Variants in PCDH15 observed in about 807,000 individuals in gnomAD.
PCDH15 encodes the protein protocadherin related 15.
Under a neutral mutation model 178.5 loss-of-function variants are expected in PCDH15, and 129 were observed. That is an observed-to-expected ratio of 0.72 (90% CI 0.63 to 0.84). The LOEUF (loss-of-function observed/expected upper bound fraction) is 0.84, where lower values mean the gene tolerates loss of function less well. PCDH15 is among the 40% of genes least tolerant of loss of function. PCDH15 has a pLI of 0.00. For synonymous variants in PCDH15, 800 were observed against 732.0 expected, an observed-to-expected ratio of 1.09 and a Z score of -1.50; for missense variants, 2,230 against 2,099.9, an observed-to-expected ratio of 1.06 and a Z score of -1.21.
chr10:54,114,733 GA>G, intron 15 of PCDH15, among the ~76,000 whole-genome samples: 1 of 152,210 alleles, frequency 6.6e-6, no homozygotes, highest in South Asian at 2.1e-4. Context: ...TGCAGGAAGG[GA>G]AAAACTAAGT....
At chr10:55,514,703 A>G (rs573037918) in intron 2 of PCDH15, among the ~76,000 whole-genome samples, 1 of 152,226 alleles carries the variant, frequency 6.6e-6, no homozygotes, top group South Asian at 2.1e-4. Flanking sequence ...ACCTTTTGAT[A>G]AGGGTTTTAT....
chr10:54,664,357 T>C, intron 1 of PCDH15, 67 bp from the exon 2 acceptor site: 9 of 997,020 alleles, frequency 9.0e-6, no homozygotes, highest in Non-Finnish European at 1.4e-5. Flanking sequence ...TAAACACAAT[T>C]GTCACAGCAC....
chr10:55,377,805 C>T (rs912277508), intron 2 of PCDH15, among the ~76,000 whole-genome samples: 1 of 152,078 alleles, frequency 6.6e-6, no homozygotes, highest in Non-Finnish European at 1.5e-5. Context: ...TTGGAACCAA[C>T]CCAAGTGCCC....
chr10:54,811,069 C>T (rs915926698), intron 3 of PCDH15, among the ~76,000 whole-genome samples: 1 of 151,942 alleles, frequency 6.6e-6, no homozygotes, highest in Non-Finnish European at 1.5e-5. Flanking sequence ...CATTTTTACT[C>T]ATAGTTATTT....
intron 8 of PCDH15, among the ~76,000 whole-genome samples, chr10:54,237,616 G>A (rs185806616): frequency 2.0e-5 from 3 of 152,166 alleles, no homozygotes; most frequent in East Asian, 3.9e-4. Context: ...CTATCTTTAG[G>A]CTTTGCCAAC....
rs533457211 is a variant in PCDH15, at chr10:54,400,593, A to G, written c.158-21651T>C. On this transcript the variant is annotated intron_variant, in intron 3 of 37. Transcript: ENST00000644397. ...ATTGGGCTATGAATATGCATAAGAA[A>G]TTAATATTCTGAATAATATGTACTC... Among the ~76,000 whole-genome samples the G allele has an allele frequency of 1.1e-4, 17 of 152,226 alleles. No individual in the cohort carries two copies. The South Asian group carries it at 3.3e-3, about 30-fold the overall frequency.
At chr10:54,269,631 A>G (rs11004191) in intron 8 of PCDH15, among the ~76,000 whole-genome samples, 14,089 of 151,994 alleles carry the variant, frequency 0.093, 1,635 homozygotes, top group African/African-American at 0.27. Flanking sequence ...GACAAATTCA[A>G]TTTTAAAGTT....
intron 2 of PCDH15, among the ~76,000 whole-genome samples, chr10:55,329,935 T>G (rs1844154277): frequency 1.3e-5 from 2 of 151,778 alleles, no homozygotes; most frequent in Non-Finnish European, 3.0e-5. Flanking sequence ...TGTGGACACT[T>G]CATAATGCAA....
chr10:54,273,309 C>T (rs1411002705), intron 8 of PCDH15, among the ~76,000 whole-genome samples: 3 of 150,046 alleles, frequency 2.0e-5, no homozygotes, highest in Non-Finnish European at 3.0e-5. Context: ...AATATAAACA[C>T]ACAAAATAAG....
intron 2 of PCDH15, among the ~76,000 whole-genome samples, chr10:54,570,818 T>A (rs71502097): frequency 0.056 from 159 of 2,856 alleles, 3 homozygotes; most frequent in South Asian, 0.14. Flanking sequence ...CGCCTGGCTA[T>A]TTTTTTTTTT....
intron 2 of PCDH15, among the ~76,000 whole-genome samples, chr10:55,561,453 T>C (rs184614932): frequency 5.3e-5 from 8 of 152,010 alleles, no homozygotes; most frequent in South Asian, 2.1e-4. Flanking sequence ...CTTTTGAACA[T>C]GATAGGACAA....
intron 3 of PCDH15, among the ~76,000 whole-genome samples, chr10:54,452,227 C>T (rs2076523796): frequency 6.6e-6 from 1 of 151,898 alleles, no homozygotes; most frequent in Non-Finnish European, 1.5e-5. Context: ...TTAGCCAATA[C>T]TAAGTGCTTT....
At chr10:53,999,806 C>G (rs1225282084) in intron 20 of PCDH15, among the ~76,000 whole-genome samples, 1 of 152,186 alleles carries the variant, frequency 6.6e-6, no homozygotes, top group African/African-American at 2.4e-5. Flanking sequence ...ACAGGTCTGG[C>G]TGGCTTTGCC....
chr10:54,380,731 T>TACACAC (rs1554941878), intron 3 of PCDH15, among the ~76,000 whole-genome samples: 1 of 52,004 alleles, frequency 1.9e-5, no homozygotes, highest in African/African-American at 6.8e-5. Context: ...TATATATATA[T>TACACAC]ATATATATAT....
intron 2 of PCDH15, among the ~76,000 whole-genome samples, chr10:55,426,647 G>C (rs1838765252): frequency 6.6e-6 from 1 of 152,156 alleles, no homozygotes; most frequent in Non-Finnish European, 1.5e-5. Flanking sequence ...CGAGGGCAAA[G>C]GGTCAGTATG....
At chr10:53,822,002 T>C (rs2076299401) in intron 32 of PCDH15, 3 of 1,613,800 alleles carry the variant, frequency 1.9e-6, no homozygotes, top group African/African-American at 1.3e-5. Context: ...CATTTGTGCG[T>C]AGATAGTTTT....
At chr10:54,250,376 G>A (rs1304059224) in intron 8 of PCDH15, among the ~76,000 whole-genome samples, 3 of 144,848 alleles carry the variant, frequency 2.1e-5, no homozygotes, top group Non-Finnish European at 4.5e-5. Flanking sequence ...TCTGCCTCCC[G>A]GGTTCACGCC....
chr10:54,330,915 G>A (rs1167822586), intron 6 of PCDH15, among the ~76,000 whole-genome samples: 2 of 151,696 alleles, frequency 1.3e-5, no homozygotes, highest in Non-Finnish European at 2.9e-5. Context: ...TTGTGCTTGT[G>A]ATTTTTTTGT....
chr10:54,541,125 C>T (rs954658031), intron 2 of PCDH15, among the ~76,000 whole-genome samples: 1 of 152,102 alleles, frequency 6.6e-6, no homozygotes, highest in African/African-American at 2.4e-5. Context: ...TCTCCATTCT[C>T]ACCACTTCTA....
Sources: gnomAD v4.1 joint callset for allele counts (sites outside exome capture counted in the v4.1 genomes callset) on GRCh38, gnomAD v4.1.1 for gene constraint, MANE v1.5 for transcripts, NCBI Gene and HGNC (gene_info 2026-07-23, HGNC 2026-07-21) for gene names.